SPAST: variants seen among roughly 807,000 people sequenced by gnomAD.
SPAST encodes the protein spastin, also known as spastic paraplegia 4 (autosomal dominant; spastin).
A neutral mutation model predicts 76.6 loss-of-function variants in SPAST; 30 were observed. The ratio of observed to expected loss-of-function variants is 0.39; its 90% CI spans 0.29 to 0.53. SPAST has a LOEUF of 0.53. Among genes scored for constraint, SPAST ranks in the 20% least tolerant of loss-of-function variants. The pLI is 0.68. For synonymous variants in SPAST, 305 were observed against 281.0 expected (o/e 1.09, Z -0.86); for missense variants, 717 against 770.5 (o/e 0.93, Z 0.82).
chr2:32,154,548 A>T lies in SPAST; in HGVS notation c.*52A>T, dbSNP rs1281197701. On this transcript the variant is annotated 3_prime_UTR_variant, in exon 17 of 17. Transcript: ENST00000315285. ...CATTTTACTTAAAAGAGGAAACACA[A>T]GATCTTCAATGAACGTCATCGGCTA... 1 of 1,584,464 alleles carries T rather than the reference A, an allele frequency of 6.3e-7. No individual in the cohort carries two copies. Among genetic ancestry groups the T allele is most frequent in the Non-Finnish European group, 8.7e-7 (1 of 1,153,658 alleles).
chr2:32,083,053 C>T (rs1456465987), intron 1 of SPAST, among the ~76,000 whole-genome samples: 2 of 151,982 alleles, frequency 1.3e-5, no homozygotes, highest in African/African-American at 2.4e-5. Flanking sequence ...CTCACTGCAA[C>T]CTCTGCCTCC....
chr2:32,150,950 A>AATTTTTTTTT (rs1553320573), intron 16 of SPAST, among the ~76,000 whole-genome samples: 1 of 101,986 alleles, frequency 9.8e-6, no homozygotes. Context: ...TCTACTGTAT[A>AATTTTTTTTT]CTTTTTTTTT....
chr2:32,084,875 G>A, intron 1 of SPAST, among the ~76,000 whole-genome samples: 1 of 118,448 alleles, frequency 8.4e-6, no homozygotes, highest in Non-Finnish European at 1.7e-5. Context: ...GCAATAGAGT[G>A]AGACTCCGTC....
At chr2:32,100,321 T>C (rs1355925778) in intron 4 of SPAST, among the ~76,000 whole-genome samples, 1 of 103,486 alleles carries the variant, frequency 9.7e-6, no homozygotes, top group Non-Finnish European at 2.1e-5. Context: ...TATTGGTTAC[T>C]TTTTTTTTTT....
In SPAST at chr2:32,124,667, T is replaced by TAAACAG. The variant is rs539686208; in HGVS notation, c.1099-2279_1099-2274dup. 2.0e-4 allele frequency among the ~76,000 whole-genome samples: 31 copies of TAAACAG among 152,316 alleles called. No individual in the cohort carries two copies. In the East Asian group the frequency reaches 4.6e-3, roughly 23 times the overall value. On this transcript the variant is annotated intron_variant, in intron 7 of 16. Transcript: ENST00000315285. ...AGGCATCCATAAGTAGGGGAATGGATAAACAGACTTTGGTATATCATGTAA... is the reference window on the plus strand; with the variant it reads ...AGGCATCCATAAGTAGGGGAATGGATAAACAGAAACAGACTTTGGTATATCATGTAA...
chr2:32,068,066 C>T (rs2148689987), intron 1 of SPAST, among the ~76,000 whole-genome samples: 1 of 151,238 alleles, frequency 6.6e-6, no homozygotes, highest in East Asian at 1.9e-4. Context: ...GCTAGCTCCG[C>T]CTCCCGGGTT....
chr2:32,097,941 G>GC (rs1482205871), intron 3 of SPAST, among the ~76,000 whole-genome samples: 1 of 151,824 alleles, frequency 6.6e-6, no homozygotes, highest in Non-Finnish European at 1.5e-5. Flanking sequence ...CTCCTGATCT[G>GC]CCTGCCTCAG....
At chr2:32,128,774 A>G (rs1339726131) in intron 9 of SPAST, 5 of 392,490 alleles carry the variant, frequency 1.3e-5, no homozygotes, top group Admixed American at 7.8e-5. Context: ...GATCAGTCAA[A>G]ATGTTGGCAG....
At chr2:32,105,559 T>G (rs1051413699) in intron 4 of SPAST, among the ~76,000 whole-genome samples, 3 of 152,168 alleles carry the variant, frequency 2.0e-5, no homozygotes, top group African/African-American at 7.2e-5. Context: ...ATTTTCAGCT[T>G]TTCTGCTCTG....
rs200943358 is a variant in SPAST at position 32,110,104 on chromosome 2, G to GT, written c.683-4522dup. On this transcript the variant is annotated intron_variant, in intron 4 of 16. Transcript: ENST00000315285. ...TGTGTATACATATATAGTTTTTTTT[G>GT]TTTTTTTTTTTTGTTTTTTTTGTTT... is the stretch of plus-strand genomic sequence containing the variant. 4.3e-3 allele frequency among the ~76,000 whole-genome samples: 581 copies of GT among 135,436 alleles called. 1 individual carries two copies. The highest frequency in any genetic ancestry group is 0.01 in the African/African-American group (369 of 36,706). 88.9% of individuals were successfully genotyped at this position (135,436 alleles called of 152,430 possible).
chr2:32,075,550 T>TTTC (rs1481843495), intron 1 of SPAST, among the ~76,000 whole-genome samples: 18 of 130,718 alleles, frequency 1.4e-4, no homozygotes, highest in Admixed American at 3.8e-4. Context: ...CTTTTTTCTT[T>TTTC]TTTTTTTTTT....
At position 32,114,746 on chromosome 2, in the gene SPAST, A is replaced by T; in HGVS notation, c.791A>T (p.His264Leu). Reference sequence around the variant, plus strand: ...GGATCTGCAGGCCTTTCAGGCCACCATAGAGCACCTAGTTACAGTGGTTTA... The same window carrying T: ...GGATCTGCAGGCCTTTCAGGCCACCTTAGAGCACCTAGTTACAGTGGTTTA... ...KTGSAGLSGH[H>L]RAPSYSGLSM... The change falls in exon 5 of 17, where the codon CAT (histidine) becomes CTT (leucine). Residue 264 changes from histidine (H) to leucine (L), a missense_variant. His to Leu is a moderately conservative substitution (Grantham distance 99). Around this residue, in one of 3 missense-constraint regions of SPAST, gnomAD observed 543 missense variants for 445.2 expected, o/e 1.22. Transcript: ENST00000315285. 6.2e-7 allele frequency: 1 copy of T among 1,614,146 alleles called. No individual in the cohort carries two copies. The highest frequency in any genetic ancestry group is 1.1e-5 in the South Asian group (1 of 91,088).
Position 32,112,753 on chromosome 2 carries a change from GATTTCCTA to G in SPAST, c.683-1884_683-1877del, listed in dbSNP as rs1678664678. On this transcript the variant is annotated intron_variant, in intron 4 of 16. Transcript: ENST00000315285. ...AACTGGTTGTCTAAATAAATAAGCT[GATTTCCTA>G]TACTAGTTTAGAGTCTTTAGTTTTC... Among the ~76,000 whole-genome samples the G allele has an allele frequency of 5.3e-5, 8 of 152,116 alleles. No individual in the cohort carries two copies. The South Asian group carries it at 1.7e-3, about 32-fold the overall frequency.
chr2:32,091,251 TTATTATTATTATTATTA>T (rs1186801422), intron 3 of SPAST, among the ~76,000 whole-genome samples: 4 of 5,994 alleles, frequency 6.7e-4, no homozygotes, highest in African/African-American at 3.9e-3. Context: ...GAAGCTATTA[TTATTATTATTATTATTA>T]TTATTATTAT....
chr2:32,065,261 G>A (rs1236883773), intron 1 of SPAST, among the ~76,000 whole-genome samples: 1 of 151,948 alleles, frequency 6.6e-6, no homozygotes, highest in African/African-American at 2.4e-5. Context: ...CTCGTGATCG[G>A]GTCGCCTCGG....
intron 4 of SPAST, among the ~76,000 whole-genome samples, chr2:32,110,476 T>C (rs1678511496): frequency 1.4e-5 from 2 of 141,808 alleles, no homozygotes; most frequent in African/African-American, 2.6e-5. Flanking sequence ...AAAATAACTA[T>C]ATGTATATGT....
Position 32,077,063 on chromosome 2 carries a change from A to G in SPAST, c.416-10429A>G, listed in dbSNP as rs1029835114. Among the ~76,000 whole-genome samples the G allele has an allele frequency of 5.3e-5, 8 of 151,934 alleles. No individual in the cohort carries two copies. In the South Asian group the frequency reaches 6.3e-4, roughly 12 times the overall value. The stretch of plus-strand genomic sequence containing the variant: ...GCTAATTTTTGTATTTTTAGTAGAG[A>G]TGGGGTTTCACCATCTTGGCCAGGC... On this transcript the variant is annotated intron_variant, in intron 1 of 16. Coordinates refer to ENST00000315285, the MANE Select transcript of SPAST (RefSeq NM_014946.4).
intron 16 of SPAST, among the ~76,000 whole-genome samples, chr2:32,147,776 C>T (rs915232263): frequency 1.3e-5 from 2 of 151,834 alleles, no homozygotes; most frequent in African/African-American, 4.8e-5. Context: ...GGACTACAGG[C>T]GCCCACCACC....
chr2:32,142,839 A>T (rs991646079), intron 13 of SPAST, among the ~76,000 whole-genome samples: 24 of 152,198 alleles, frequency 1.6e-4, no homozygotes, highest in African/African-American at 5.8e-4. Flanking sequence ...ACATCTATAA[A>T]TGTATTAAAA....
Sources: allele counts gnomAD v4.1 joint callset (sites outside exome capture counted in the v4.1 genomes callset), GRCh38; gene constraint gnomAD v4.1.1; regional missense constraint gnomAD v4.1.1; transcripts MANE v1.5; gene names NCBI Gene and HGNC (gene_info 2026-07-23, HGNC 2026-07-21).